Variants in RIMS2 observed in about 807,000 individuals in gnomAD.
RIMS2 encodes regulating synaptic membrane exocytosis protein 2.
A neutral mutation model predicts 174.4 loss-of-function variants in RIMS2; 59 were observed. The ratio of observed to expected loss-of-function variants is 0.34; its 90% confidence interval spans 0.27 to 0.42. RIMS2 has a LOEUF of 0.42. RIMS2 is among the 10% of genes least tolerant of loss of function. The pLI is 1.00. For synonymous variants in RIMS2, 606 were observed against 572.5 expected (o/e 1.06, Z -0.84); for missense variants, 1,620 against 1,666.3 (o/e 0.97, Z 0.48).
intron 19 of RIMS2, among the ~76,000 whole-genome samples, chr8:104,227,882 A>G (rs1027879740): frequency 3.3e-5 from 5 of 152,340 alleles, no homozygotes; most frequent in Admixed American, 2.6e-4. Context: ...AGAAATAAGA[A>G]TAGCTTTAAA....
At chr8:103,674,469 T>C (rs2096783254) in intron 1 of RIMS2, among the ~76,000 whole-genome samples, 2 of 152,122 alleles carry the variant, frequency 1.3e-5, no homozygotes, top group Non-Finnish European at 2.9e-5. Context: ...TTTAAAATTC[T>C]TTTTATTTTT....
rs184923024 is a variant in RIMS2 at position 103,885,745 on chromosome 8, G to T, written c.1146G>T (p.Arg382Ser). The stretch of plus-strand genomic sequence containing the variant: ...CAAATGCTGATCTGGAAGATTCCAG[G>T]ATTTCTATGCTAAGGATGGATCGAC... Residue 382 changes from arginine (R) to serine (S), a missense_variant, in exon 4 of 24, where the codon AGG becomes AGT. Physicochemically the swap from Arg to Ser is moderately radical, Grantham distance 110 (BLOSUM62 -1). Coordinates refer to ENST00000504942, the Ensembl canonical transcript of RIMS2. The T allele has an allele frequency of 4.2e-5, 68 of 1,612,964 alleles. No homozygotes were observed. The East Asian group carries it at 1.5e-3, about 35-fold the overall frequency.
intron 1 of RIMS2, among the ~76,000 whole-genome samples, chr8:103,626,770 T>C (rs895516404): frequency 5.3e-5 from 8 of 151,980 alleles, no homozygotes; most frequent in African/African-American, 1.9e-4. Context: ...GGTAGGACCA[T>C]GATGGCGACC....
chr8:103,789,902 G>A (rs961490646), intron 3 of RIMS2, among the ~76,000 whole-genome samples: 2 of 151,762 alleles, frequency 1.3e-5, no homozygotes, highest in East Asian at 3.9e-4. Context: ...ACAAGTGTGT[G>A]CTACCATGTC....
At chr8:103,787,119 G>C (rs1314647315) in intron 3 of RIMS2, among the ~76,000 whole-genome samples, 1 of 145,466 alleles carries the variant, frequency 6.9e-6, no homozygotes. Flanking sequence ...TTTTCCATTT[G>C]CTTGGTAGAT....
In RIMS2 at chr8:104,193,431, A is replaced by G. The variant is rs564722277; in HGVS notation, c.3335-51485A>G. On this transcript the variant is annotated intron_variant, in intron 19 of 23. Coordinates refer to ENST00000504942, the Ensembl canonical transcript of RIMS2. ...ATAACATTGAGCTGAATATCTTCAT[A>G]TATCTCTCCTTATGAGCCTGGGTGA... 2.6e-5 allele frequency among the ~76,000 whole-genome samples: 4 copies of G among 152,246 alleles called. No homozygotes were observed. In the South Asian group the frequency reaches 8.3e-4, roughly 32 times the overall value.
intron 3 of RIMS2, among the ~76,000 whole-genome samples, chr8:103,849,035 T>C (rs930577845): frequency 2.6e-5 from 4 of 152,064 alleles, no homozygotes; most frequent in South Asian, 4.1e-4. Context: ...CATCTAAAAC[T>C]AGTCTTTACA....
intron 4 of RIMS2, among the ~76,000 whole-genome samples, chr8:103,903,208 A>G (rs868181778): frequency 6.6e-6 from 1 of 152,196 alleles, no homozygotes. Flanking sequence ...AAAACCGATG[A>G]GAAAATGAGG....
At chr8:104,067,650 C>A (rs891979211) in intron 19 of RIMS2, among the ~76,000 whole-genome samples, 1 of 152,120 alleles carries the variant, frequency 6.6e-6, no homozygotes, top group African/African-American at 2.4e-5. Flanking sequence ...CTTCAGCCCC[C>A]CAAAGTGTTG....
downstream of RIMS2, chr8:104,254,586 A>C (rs544231984): frequency 5.9e-5 from 9 of 152,258 alleles, no homozygotes; most frequent in African/African-American, 2.2e-4. Flanking sequence ...CCCTCAGTAG[A>C]GCATTTCTTT....
intron 10 of RIMS2, among the ~76,000 whole-genome samples, chr8:103,924,701 C>T (rs2078402788): frequency 6.6e-6 from 1 of 151,504 alleles, no homozygotes; most frequent in South Asian, 2.1e-4. Context: ...TCTGTCAGTT[C>T]ATGTCTCAAA....
intron 1 of RIMS2, among the ~76,000 whole-genome samples, chr8:103,518,689 T>C (rs1372499295): frequency 1.3e-5 from 2 of 152,080 alleles, no homozygotes; most frequent in East Asian, 1.9e-4. Context: ...ATTTGATCTG[T>C]AGTGAAAGGT....
chr8:104,188,198 G>A (rs1409914106), intron 19 of RIMS2, among the ~76,000 whole-genome samples: 1 of 150,812 alleles, frequency 6.6e-6, no homozygotes, highest in African/African-American at 2.4e-5. Flanking sequence ...GAATGAAGAA[G>A]TGGGACTTTT....
rs1227892403 is a variant in RIMS2, at chr8:103,603,175, G to T, written c.177-93911G>T. On this transcript the variant is annotated intron_variant, in intron 1 of 23. Coordinates refer to ENST00000504942, the Ensembl canonical transcript of RIMS2. ...CCCCCACCCCAACACAGTCCCCAGA[G>T]TGTGATATTCCCCTTCCTGTGTCCA... 1.0e-3 allele frequency among the ~76,000 whole-genome samples: 132 copies of T among 126,714 alleles called. 3 individuals are homozygous for T. In the Admixed American group the frequency reaches 0.013, roughly 13 times the overall value. The allele number at this position is 126,714 out of a possible 152,430, so 83.1% of individuals were successfully genotyped here.
intron 1 of RIMS2, among the ~76,000 whole-genome samples, chr8:103,555,823 G>T (rs1377492252): frequency 6.7e-6 from 1 of 148,866 alleles, no homozygotes; most frequent in Admixed American, 6.7e-5. Context: ...AAGAAAAAAA[G>T]TGCTATAAAT....
At chr8:104,153,541 C>A (rs181481375) in intron 19 of RIMS2, among the ~76,000 whole-genome samples, 1 of 152,204 alleles carries the variant, frequency 6.6e-6, no homozygotes, top group Admixed American at 6.5e-5. Context: ...TTTGAGATGT[C>A]CATTAGACAT....
At chr8:103,691,360 C>T (rs1037313192) in intron 1 of RIMS2, among the ~76,000 whole-genome samples, 1 of 152,030 alleles carries the variant, frequency 6.6e-6, no homozygotes, top group African/African-American at 2.4e-5. Context: ...TGTAGGTGTG[C>T]TTTATTGTTT....
At chr8:103,796,512 C>G (rs1187640245) in intron 3 of RIMS2, among the ~76,000 whole-genome samples, 1 of 152,122 alleles carries the variant, frequency 6.6e-6, no homozygotes, top group African/African-American at 2.4e-5. Flanking sequence ...TATTATTTAT[C>G]TTTTCTTACC....
chr8:104,019,905 TA>T (rs1286430394), intron 19 of RIMS2, among the ~76,000 whole-genome samples: 1 of 152,132 alleles, frequency 6.6e-6, no homozygotes, highest in Non-Finnish European at 1.5e-5. Flanking sequence ...AAGGTAGCAT[TA>T]GTTTGGGGAC....
Sources: gnomAD v4.1 joint callset for allele counts (sites outside exome capture counted in the v4.1 genomes callset) on GRCh38, gnomAD v4.1.1 for gene constraint, MANE v1.5 for transcripts, NCBI Gene and HGNC (gene_info 2026-07-23, HGNC 2026-07-21) for gene names.